Variants in SETD3 observed in about 807,000 individuals in gnomAD.
SETD3 encodes the protein actin-histidine N-methyltransferase.
Under a neutral mutation model 63.0 loss-of-function variants are expected in SETD3, and 19 were observed. That is an observed-to-expected ratio of 0.30 (90% CI 0.21 to 0.44). The LOEUF is 0.44. Ranked by LOEUF, SETD3 falls within the 20% of genes least tolerant of loss-of-function variation. SETD3 has a pLI of 1.00. For missense variants in SETD3, 587 were observed against 728.5 expected (o/e 0.81, Z 2.24); for synonymous variants, 286 against 264.1 (o/e 1.08, Z -0.80).
At position 99,471,494 on chromosome 14, in the gene SETD3, G is replaced by A. The variant is rs377483522; in HGVS notation, c.-8-5681C>T. On this transcript the variant is annotated intron_variant, in intron 1 of 12. Coordinates refer to ENST00000331768, the MANE Select transcript of SETD3 (RefSeq NM_032233.3). The stretch of plus-strand genomic sequence containing the variant: ...CACACTTAAAAAACGGTTCTGTGGG[G>A]CATAGTGGCACATGCCTATCATCCC... Among the ~76,000 whole-genome samples, 10 of 152,196 alleles carry A rather than the reference G, an allele frequency of 6.6e-5. No homozygotes were observed. The East Asian group carries it at 1.7e-3, about 26-fold the overall frequency.
At chr14:99,419,542 G>A (rs1318660115) in intron 6 of SETD3, among the ~76,000 whole-genome samples, 2 of 152,062 alleles carry the variant, frequency 1.3e-5, no homozygotes, top group African/African-American at 2.4e-5. Context: ...TTGGGAGGCC[G>A]AAGCGGGCGG....
chr14:99,481,333 G>A (rs1896306311), upstream of SETD3: 7 of 398,080 alleles, frequency 1.8e-5, no homozygotes, highest in Admixed American at 4.4e-5. Flanking sequence ...CCCATTGGTT[G>A]ACAGGCATCC....
At chr14:99,475,290 G>A (rs576037957) in intron 1 of SETD3, among the ~76,000 whole-genome samples, 3 of 152,328 alleles carry the variant, frequency 2.0e-5, no homozygotes, top group African/African-American at 7.2e-5. Context: ...TCATGGTGCC[G>A]GATGTTATGG....
intron 6 of SETD3, among the ~76,000 whole-genome samples, chr14:99,432,244 G>A (rs114976999): frequency 1.9e-3 from 285 of 152,240 alleles, no homozygotes; most frequent in African/African-American, 6.3e-3. Context: ...CAAAGAACCC[G>A]TAAGAGTCCT....
intron 8 of SETD3, 30 bp from the exon 9 acceptor site, chr14:99,406,620 G>T: frequency 6.3e-7 from 1 of 1,599,194 alleles, no homozygotes; most frequent in Non-Finnish European, 8.6e-7. Flanking sequence ...GGAAATGATG[G>T]TGAGGCAAAC....
At chr14:99,460,342 TGAGA>T (rs776304739) in intron 4 of SETD3, among the ~76,000 whole-genome samples, 9 of 152,014 alleles carry the variant, frequency 5.9e-5, no homozygotes, top group Admixed American at 3.3e-4. Flanking sequence ...CTGAAGCAAC[TGAGA>T]GAGAGATAGA....
At chr14:99,478,446 T>C (rs965659443) in intron 1 of SETD3, among the ~76,000 whole-genome samples, 17 of 152,268 alleles carry the variant, frequency 1.1e-4, no homozygotes, top group African/African-American at 3.9e-4. Flanking sequence ...TTCATCCAAC[T>C]ACACAAAAGA....
At chr14:99,481,447 A>G (rs971506425), upstream of SETD3, 1 of 398,684 alleles carries the variant, frequency 2.5e-6, no homozygotes, top group African/African-American at 2.1e-5. Flanking sequence ...CGGCAAGGAG[A>G]GACGTCGCTG....
chr14:99,401,462 C>T (rs1891384050), intron 11 of SETD3, among the ~76,000 whole-genome samples: 1 of 152,160 alleles, frequency 6.6e-6, no homozygotes, highest in South Asian at 2.1e-4. Flanking sequence ...CTGCGGCTGC[C>T]AGCAAACCAA....
rs528143193 is a variant in SETD3 at position 99,421,359 on chromosome 14, T to C, written c.676-7425A>G. The stretch of plus-strand genomic sequence containing the variant: ...TAATTTCAGCAATTTTGGGTTTCAA[T>C]AATTCAGGATAACTACGTTGGACTC... On this transcript the variant is annotated intron_variant, in intron 6 of 12. Transcript: ENST00000331768. 2.0e-5 allele frequency among the ~76,000 whole-genome samples: 3 copies of C among 152,110 alleles called. No individual in the cohort carries two copies. The South Asian group carries it at 6.2e-4, about 32-fold the overall frequency.
At chr14:99,479,193 GCAGA>G (rs1177223042) in intron 1 of SETD3, among the ~76,000 whole-genome samples, 1 of 152,202 alleles carries the variant, frequency 6.6e-6, no homozygotes, top group Non-Finnish European at 1.5e-5. Context: ...CACTTGGAGG[GCAGA>G]CAGGAAAGGG....
intron 6 of SETD3, among the ~76,000 whole-genome samples, chr14:99,428,045 T>C (rs1039151161): frequency 1.4e-4 from 21 of 152,204 alleles, no homozygotes; most frequent in African/African-American, 3.6e-4. Context: ...GCAGAATCGA[T>C]TGGCACACAG....
At chr14:99,440,707 G>GT (rs1222740704) in intron 6 of SETD3, among the ~76,000 whole-genome samples, 1 of 151,498 alleles carries the variant, frequency 6.6e-6, no homozygotes, top group Non-Finnish European at 1.5e-5. Flanking sequence ...CTGTGGGGAG[G>GT]TAAGAGGCCT....
intron 1 of SETD3, among the ~76,000 whole-genome samples, chr14:99,468,937 AGG>A (rs1895544564): frequency 6.6e-6 from 1 of 152,152 alleles, no homozygotes; most frequent in South Asian, 2.1e-4. Flanking sequence ...CTGAGCTCCC[AGG>A]GAAGAGCATC....
rs558433013 is a variant in SETD3, at chr14:99,438,896, T to C, written c.675+19383A>G. Among the ~76,000 whole-genome samples the C allele has an allele frequency of 2.6e-5, 4 of 152,322 alleles. 1 individual carries two copies. The South Asian group carries it at 6.2e-4, about 24-fold the overall frequency. ...ACAGGGACTTTGCTTTCCAACATCA[T>C]AGGAAGGTGCTCACATCCAGCTTCA... On this transcript the variant is annotated intron_variant, in intron 6 of 12. Coordinates refer to ENST00000331768, the MANE Select transcript of SETD3 (RefSeq NM_032233.3).
At chr14:99,444,630 G>A (rs1204965375) in intron 6 of SETD3, among the ~76,000 whole-genome samples, 1 of 152,106 alleles carries the variant, frequency 6.6e-6, no homozygotes, top group African/African-American at 2.4e-5. Context: ...AGGCCGAGGC[G>A]GGTGGATCGC....
At chr14:99,443,812 C>T (rs1401238663) in intron 6 of SETD3, among the ~76,000 whole-genome samples, 1 of 152,138 alleles carries the variant, frequency 6.6e-6, no homozygotes, top group African/African-American at 2.4e-5. Context: ...CCTATTTTGC[C>T]TCAATATAAG....
At chr14:99,399,713 T>C (rs1294314364) in intron 12 of SETD3, among the ~76,000 whole-genome samples, 2 of 151,872 alleles carry the variant, frequency 1.3e-5, no homozygotes, top group Non-Finnish European at 2.9e-5. Flanking sequence ...TTACAGTAGT[T>C]TAGAATTAAC....
At chr14:99,405,716 C>T (rs1033323691) in intron 9 of SETD3, among the ~76,000 whole-genome samples, 8 of 152,164 alleles carry the variant, frequency 5.3e-5, no homozygotes, top group Non-Finnish European at 8.8e-5. Context: ...GACAGCAAGG[C>T]TATTACTATA....
Sources: allele counts gnomAD v4.1 joint callset (sites outside exome capture counted in the v4.1 genomes callset), GRCh38; gene constraint gnomAD v4.1.1; transcripts MANE v1.5; gene names NCBI Gene and HGNC (gene_info 2026-07-23, HGNC 2026-07-21).